The following ZBTB40 variants were observed in gnomAD, a reference collection of about 807,000 sequenced individuals.
ZBTB40 encodes zinc finger and BTB domain-containing protein 40.
ZBTB40 carries 60 observed loss-of-function variants against 117.5 expected under a neutral mutation model. The ratio of observed to expected loss-of-function variants is 0.51; its 90% CI spans 0.41 to 0.63. ZBTB40 has a LOEUF of 0.63. Ranked by LOEUF, ZBTB40 falls within the 30% of genes least tolerant of loss-of-function variation. The probability of loss-of-function intolerance (pLI) is 0.00; values close to 1 mark genes in which losing one functional copy is unlikely to be tolerated. For missense variants in ZBTB40, 1,287 were observed against 1,498.5 expected, an observed-to-expected ratio of 0.86 and a Z score of 2.33; for synonymous variants, 525 against 577.1, an observed-to-expected ratio of 0.91 and a Z score of 1.29.
intron 1 of ZBTB40, among the ~76,000 whole-genome samples, chr1:22,468,643 CTTTTTTTTTTT>C (rs71020424): frequency 2.4e-4 from 7 of 28,608 alleles, no homozygotes; most frequent in South Asian, 1.9e-3. Context: ...GCCTGGCTGG[CTTTTTTTTTTT>C]TTTTTTTTTT....
At chr1:22,461,249 G>A (rs1018933051) in intron 1 of ZBTB40, among the ~76,000 whole-genome samples, 1 of 151,626 alleles carries the variant, frequency 6.6e-6, no homozygotes, top group African/African-American at 2.4e-5. Context: ...CTCCTCAGTT[G>A]TAGTCAGGTT....
At chr1:22,444,676 C>T (rs1249663934) in intron 1 of ZBTB40, among the ~76,000 whole-genome samples, 1 of 152,210 alleles carries the variant, frequency 6.6e-6, no homozygotes, top group East Asian at 1.9e-4. Context: ...ACTGTGCATG[C>T]TCCCCTCCCA....
At chr1:22,462,476 T>C (rs1641154161) in intron 1 of ZBTB40, among the ~76,000 whole-genome samples, 1 of 152,282 alleles carries the variant, frequency 6.6e-6, no homozygotes, top group South Asian at 2.1e-4. Context: ...TTAGCTATTA[T>C]TGTTAACCTC....
At chr1:22,460,477 A>C (rs1454187850) in intron 1 of ZBTB40, among the ~76,000 whole-genome samples, 1 of 152,232 alleles carries the variant, frequency 6.6e-6, no homozygotes, top group Non-Finnish European at 1.5e-5. Context: ...TTGAACACAT[A>C]CAAAATACCA....
intron 1 of ZBTB40, among the ~76,000 whole-genome samples, chr1:22,474,026 A>G (rs1256401901): frequency 6.6e-6 from 1 of 152,180 alleles, no homozygotes; most frequent in Non-Finnish European, 1.5e-5. Context: ...TCCCTACTTG[A>G]TATCTACAAC....
chr1:22,461,344 T>A (rs1373909799), intron 1 of ZBTB40, among the ~76,000 whole-genome samples: 2 of 151,914 alleles, frequency 1.3e-5, no homozygotes, highest in Non-Finnish European at 2.9e-5. Context: ...TTTTTTTTTT[T>A]TTCTGGACAG....
intron 1 of ZBTB40, among the ~76,000 whole-genome samples, chr1:22,486,181 G>T (rs1638461316): frequency 6.6e-6 from 1 of 152,156 alleles, no homozygotes; most frequent in African/African-American, 2.4e-5. Flanking sequence ...CTATAGCTAG[G>T]CCTTTAGTGA....
chr1:22,503,255 G>A (rs553296455), intron 5 of ZBTB40, among the ~76,000 whole-genome samples: 24 of 151,284 alleles, frequency 1.6e-4, no homozygotes, highest in African/African-American at 5.8e-4. Context: ...TCAAGCGTTT[G>A]ATATATATTG....
At chr1:22,454,438 G>A (rs1323813426) in intron 1 of ZBTB40, among the ~76,000 whole-genome samples, 1 of 152,148 alleles carries the variant, frequency 6.6e-6, no homozygotes, top group Non-Finnish European at 1.5e-5. Flanking sequence ...ACAGCACGGA[G>A]AGAGACACTA....
At chr1:22,490,955 G>T (rs965477578) in intron 2 of ZBTB40, among the ~76,000 whole-genome samples, 1 of 152,222 alleles carries the variant, frequency 6.6e-6, no homozygotes. Flanking sequence ...AAGTGCAATG[G>T]CATGATCTCA....
intron 1 of ZBTB40, among the ~76,000 whole-genome samples, chr1:22,471,461 T>C (rs1370508863): frequency 6.6e-6 from 1 of 152,246 alleles, no homozygotes; most frequent in Non-Finnish European, 1.5e-5. Flanking sequence ...TGTGTGGTCT[T>C]GTGGGTTATA....
intron 1 of ZBTB40, among the ~76,000 whole-genome samples, chr1:22,456,610 A>G (rs1641010479): frequency 6.6e-6 from 1 of 152,180 alleles, no homozygotes; most frequent in South Asian, 2.1e-4. Flanking sequence ...CACCTAACTG[A>G]AGGCGCGATG....
chr1:22,484,936 G>A (rs1488368856), intron 1 of ZBTB40, among the ~76,000 whole-genome samples: 6 of 152,144 alleles, frequency 3.9e-5, no homozygotes, highest in African/African-American at 1.2e-4. Flanking sequence ...CTGTTGATGC[G>A]ATGGATCACA....
At chr1:22,501,434 G>T in intron 3 of ZBTB40, 58 bp from the exon 4 acceptor site, 4 of 1,594,434 alleles carry the variant, frequency 2.5e-6, no homozygotes, top group Non-Finnish European at 2.6e-6. Flanking sequence ...CCAAATGCAA[G>T]GAGCGGATGG....
chr1:22,463,245 A>T (rs140677098), intron 1 of ZBTB40, among the ~76,000 whole-genome samples: 73 of 152,310 alleles, frequency 4.8e-4, no homozygotes, highest in African/African-American at 1.7e-3. Context: ...ACTGTAGAGC[A>T]CATAGCCGCT....
At chr1:22,482,565 T>A (rs1433842547) in intron 1 of ZBTB40, among the ~76,000 whole-genome samples, 1 of 152,228 alleles carries the variant, frequency 6.6e-6, no homozygotes, top group Non-Finnish European at 1.5e-5. Flanking sequence ...TTGACAAATG[T>A]ATAATGACTT....
chr1:22,489,410 C>T (rs1638560775), intron 1 of ZBTB40, among the ~76,000 whole-genome samples: 1 of 152,072 alleles, frequency 6.6e-6, no homozygotes, highest in Non-Finnish European at 1.5e-5. Context: ...GACCTCCGTC[C>T]CTTGTTAGGG....
chr1:22,507,687 C>A (rs565413581), intron 6 of ZBTB40, among the ~76,000 whole-genome samples: 6 of 152,196 alleles, frequency 3.9e-5, no homozygotes. Flanking sequence ...CAAACACCCC[C>A]CCTTGAACCT....
intron 1 of ZBTB40, among the ~76,000 whole-genome samples, chr1:22,438,975 C>T (rs1000558397): frequency 9.9e-5 from 15 of 152,138 alleles, no homozygotes; most frequent in Non-Finnish European, 1.9e-4. Context: ...TCAAGTGCTT[C>T]TTCTGCCTCA....
Sources: gnomAD v4.1 joint callset for allele counts (sites outside exome capture counted in the v4.1 genomes callset) on GRCh38, gnomAD v4.1.1 for gene constraint, MANE v1.5 for transcripts, NCBI Gene and HGNC (gene_info 2026-07-23, HGNC 2026-07-21) for gene names.